Variants in BBS9 observed in about 807,000 individuals in gnomAD.
The protein encoded by BBS9 is Bardet-Biedl syndrome 9.
BBS9 carries 89 observed loss-of-function variants against 117.7 expected under a neutral mutation model. That is an observed-to-expected ratio of 0.76 (90% CI 0.64 to 0.90). The LOEUF is 0.90. BBS9 is among the 40% of genes least tolerant of loss of function. The pLI is 0.00. For synonymous variants in BBS9, 379 were observed against 370.9 expected (o/e 1.02, Z -0.25); for missense variants, 982 against 1,042.2 (o/e 0.94, Z 0.80).
At chr7:33,462,041 T>C (rs999729405) in intron 19 of BBS9, among the ~76,000 whole-genome samples, 3 of 152,072 alleles carry the variant, frequency 2.0e-5, no homozygotes, top group Admixed American at 6.6e-5. Context: ...TTTATGATAT[T>C]CAAACATGAA....
At chr7:33,532,650 C>T (rs1563316842) in intron 20 of BBS9, among the ~76,000 whole-genome samples, 5 of 152,060 alleles carry the variant, frequency 3.3e-5, no homozygotes, top group African/African-American at 7.2e-5. Flanking sequence ...TCCCATGACA[C>T]GTGGGGTTAT....
chr7:33,407,339 A>AT (rs1830214085), intron 19 of BBS9, among the ~76,000 whole-genome samples: 1 of 151,818 alleles, frequency 6.6e-6, no homozygotes, highest in South Asian at 2.1e-4. Context: ...ATTCGTCTAA[A>AT]TTTTTTTCAA....
chr7:33,189,902 A>AT (rs1240893338), intron 5 of BBS9, among the ~76,000 whole-genome samples: 1 of 146,872 alleles, frequency 6.8e-6, no homozygotes, highest in Non-Finnish European at 1.5e-5. Context: ...AAAAAAAAAA[A>AT]GTAGATACAA....
chr7:33,506,529 T>C (rs1846177146), intron 20 of BBS9, among the ~76,000 whole-genome samples: 1 of 152,160 alleles, frequency 6.6e-6, no homozygotes, highest in Non-Finnish European at 1.5e-5. Flanking sequence ...GCCAGTGAGG[T>C]AGTTAAAGTA....
At chr7:33,195,536 G>A (rs1784800749) in intron 5 of BBS9, among the ~76,000 whole-genome samples, 1 of 152,062 alleles carries the variant, frequency 6.6e-6, no homozygotes, top group African/African-American at 2.4e-5. Context: ...AAGTTATCTA[G>A]TAGAAATACA....
intron 21 of BBS9, among the ~76,000 whole-genome samples, chr7:33,552,481 G>T (rs1854594663): frequency 6.6e-6 from 1 of 152,004 alleles, no homozygotes; most frequent in Non-Finnish European, 1.5e-5. Flanking sequence ...TTCTCTCTTG[G>T]ATTCCTTGTC....
intron 6 of BBS9, among the ~76,000 whole-genome samples, chr7:33,257,779 G>A (rs554409630): frequency 2.0e-5 from 3 of 152,140 alleles, no homozygotes; most frequent in South Asian, 4.2e-4. Flanking sequence ...ATTGTTCCTT[G>A]ATATAATAAA....
chr7:33,593,993 C>T (rs115560046), intron 21 of BBS9, among the ~76,000 whole-genome samples: 256 of 152,152 alleles, frequency 1.7e-3, no homozygotes, highest in African/African-American at 6.0e-3. Flanking sequence ...ACCAGCAATC[C>T]AGCTAAAAGA....
chr7:33,537,910 C>A (rs1383609396), intron 21 of BBS9, among the ~76,000 whole-genome samples: 1 of 152,134 alleles, frequency 6.6e-6, no homozygotes, highest in African/African-American at 2.4e-5. Flanking sequence ...AACACTGGAG[C>A]TTTTGTCACC....
At chr7:33,490,174 AG>A (rs1843701197) in intron 19 of BBS9, among the ~76,000 whole-genome samples, 1 of 152,208 alleles carries the variant, frequency 6.6e-6, no homozygotes, top group Non-Finnish European at 1.5e-5. Context: ...GCTACTTCGA[AG>A]GAAGAAATAC....
chr7:33,468,180 TAGTG>T (rs1037130455), intron 19 of BBS9, among the ~76,000 whole-genome samples: 4 of 152,114 alleles, frequency 2.6e-5, no homozygotes, highest in Non-Finnish European at 5.9e-5. Context: ...CTAGGTAAAG[TAGTG>T]AGGAAGAAGA....
At chr7:33,506,584 G>A (rs1846185394) in intron 20 of BBS9, among the ~76,000 whole-genome samples, 1 of 152,074 alleles carries the variant, frequency 6.6e-6, no homozygotes. Flanking sequence ...TAGGCTTTAA[G>A]AGTTAAGTAC....
chr7:33,339,722 G>GA (rs1816120793), intron 10 of BBS9, among the ~76,000 whole-genome samples: 1 of 152,068 alleles, frequency 6.6e-6, no homozygotes, highest in Non-Finnish European at 1.5e-5. Flanking sequence ...AGCTTTCCCA[G>GA]AAACATGTGC....
intron 5 of BBS9, among the ~76,000 whole-genome samples, chr7:33,194,408 T>C (rs1784623314): frequency 6.6e-6 from 1 of 152,212 alleles, no homozygotes; most frequent in Non-Finnish European, 1.5e-5. Flanking sequence ...ATTTTAAAGA[T>C]TGTGGTATGA....
chr7:33,591,160 T>TA (rs931693042), intron 21 of BBS9, among the ~76,000 whole-genome samples: 3 of 152,060 alleles, frequency 2.0e-5, no homozygotes, highest in Admixed American at 2.0e-4. Context: ...ACTTTTTTTT[T>TA]AAAGGCTGTA....
chr7:33,296,804 A>G (rs1370919877), intron 9 of BBS9, among the ~76,000 whole-genome samples: 1 of 152,142 alleles, frequency 6.6e-6, no homozygotes, highest in Non-Finnish European at 1.5e-5. Flanking sequence ...TTAATTTGGC[A>G]CTTCCACTTG....
intron 2 of BBS9, among the ~76,000 whole-genome samples, chr7:33,152,327 C>T (rs1562686021): frequency 1.3e-5 from 2 of 152,132 alleles, no homozygotes; most frequent in South Asian, 2.1e-4. Context: ...ACAGTGTTTT[C>T]GACAGCCACA....
chr7:33,158,962 A>C (rs963426924), intron 4 of BBS9, among the ~76,000 whole-genome samples: 1 of 152,132 alleles, frequency 6.6e-6, no homozygotes. Context: ...CAGAAAATAG[A>C]ATGAGGTACA....
At position 33,590,451 on chromosome 7, in the gene BBS9, G is replaced by GT. The variant is rs1554551637; in HGVS notation, c.2522-14407dup. Among the ~76,000 whole-genome samples, 204 of 84,344 alleles carry GT rather than the reference G, an allele frequency of 2.4e-3. 2 individuals carry two copies. The highest frequency in any genetic ancestry group is 6.0e-3 in the Middle Eastern group (1 of 168). The allele number at this position is 84,344 out of a possible 152,430, so 55.3% of individuals were successfully genotyped here. ...CTTACTGGCCACTGTTTGTTTTTTTGTTTTTTTGTTTTTTTTTTTTTTTTT... is the reference window on the plus strand; with the variant it reads ...CTTACTGGCCACTGTTTGTTTTTTTGTTTTTTTTGTTTTTTTTTTTTTTTTT... On this transcript the variant is annotated intron_variant, in intron 21 of 22. Coordinates refer to ENST00000242067, the MANE Select transcript of BBS9 (RefSeq NM_198428.3).
Sources: allele counts gnomAD v4.1 joint callset (sites outside exome capture counted in the v4.1 genomes callset), GRCh38; gene constraint gnomAD v4.1.1; transcripts MANE v1.5; gene names NCBI Gene and HGNC (gene_info 2026-07-23, HGNC 2026-07-21).